GALNT9: variants seen among roughly 807,000 people sequenced by gnomAD.
GALNT9 encodes the protein GalNAc transferase 9.
In GALNT9, 47 loss-of-function variants were observed where a neutral mutation model predicts 63.1. The ratio of observed to expected loss-of-function variants is 0.75; its 90% CI spans 0.59 to 0.95. The LOEUF is 0.95. Ranked by LOEUF, GALNT9 falls within the 40% of genes least tolerant of loss-of-function variation. GALNT9 has a pLI of 0.00. For missense variants in GALNT9, 829 were observed against 874.8 expected (o/e 0.95, Z 0.66); for synonymous variants, 396 against 365.7 (o/e 1.08, Z -0.94).
intron 6 of GALNT9, among the ~76,000 whole-genome samples, chr12:132,237,444 C>T (rs2136895401): frequency 2.6e-5 from 4 of 152,102 alleles, no homozygotes; most frequent in Non-Finnish European, 5.9e-5. Context: ...CCTGCTTTTA[C>T]CTGTTCACTG....
intron 1 of GALNT9, among the ~76,000 whole-genome samples, chr12:132,306,463 C>T (rs1164379949): frequency 3.3e-5 from 5 of 152,054 alleles, no homozygotes; most frequent in South Asian, 2.1e-4. Context: ...GTCTGGGGGC[C>T]GAGGTCCAGG....
At chr12:132,248,836 G>A (rs1345630716) in intron 5 of GALNT9, among the ~76,000 whole-genome samples, 2 of 152,258 alleles carry the variant, frequency 1.3e-5, no homozygotes, top group African/African-American at 4.8e-5. Context: ...TTTCTAATAT[G>A]TATTGAGAGT....
chr12:132,215,065 C>A (rs183950864), intron 6 of GALNT9, among the ~76,000 whole-genome samples: 1 of 152,254 alleles, frequency 6.6e-6, no homozygotes, highest in East Asian at 1.9e-4. Context: ...TCACCTGCCA[C>A]GCTGTCCTGC....
chr12:132,295,992 C>T (rs868939706), intron 1 of GALNT9, among the ~76,000 whole-genome samples: 5 of 121,636 alleles, frequency 4.1e-5, no homozygotes, highest in East Asian at 2.7e-4. Context: ...CAAACAGGGA[C>T]GGCCTCCGGA....
intron 1 of GALNT9, among the ~76,000 whole-genome samples, chr12:132,320,887 C>A (rs1458289724): frequency 6.6e-6 from 1 of 152,222 alleles, no homozygotes; most frequent in East Asian, 1.9e-4. Context: ...GGGCATCCCC[C>A]CTTTACAGAT....
At chr12:132,234,743 G>A (rs1877933769) in intron 6 of GALNT9, among the ~76,000 whole-genome samples, 1 of 24,656 alleles carries the variant, frequency 4.1e-5, no homozygotes, top group Non-Finnish European at 6.8e-5. Context: ...AGGAGACAGC[G>A]TGGAGTCCCT....
At chr12:132,201,094 G>A in intron 8 of GALNT9, 30 bp downstream of exon 8, 1 of 1,605,588 alleles carries the variant, frequency 6.2e-7, no homozygotes, top group Non-Finnish European at 8.5e-7. Flanking sequence ...AGCCTGTCGG[G>A]CCGAACGGGG....
intron 6 of GALNT9, among the ~76,000 whole-genome samples, chr12:132,207,181 G>C (rs1876746689): frequency 6.6e-6 from 1 of 152,206 alleles, no homozygotes; most frequent in Admixed American, 6.5e-5. Context: ...GTCCGGACCA[G>C]AGGCTCACAC....
intron 6 of GALNT9, 113 bp from the exon 7 acceptor site, chr12:132,203,803 CCCACCACCGA>C: frequency 8.5e-7 from 1 of 1,180,232 alleles, no homozygotes. Context: ...CTGGGGCACC[CCCACCACCGA>C]CGGGCCTGGT....
At chr12:132,325,514 A>C (rs1383331839) in intron 1 of GALNT9, among the ~76,000 whole-genome samples, 1 of 152,174 alleles carries the variant, frequency 6.6e-6, no homozygotes, top group Non-Finnish European at 1.5e-5. Context: ...GCGTGCAATG[A>C]GCGTGCACCA....
rs2136898329 is a variant in GALNT9 at position 132,240,486 on chromosome 12, C to A, written c.1077+7424G>T. ...GGAGCAAGAATAGCCGTGCCCAGCT[C>A]GGACCCCGGGCGGCACTCACTCCAG... On this transcript the variant is annotated intron_variant, in intron 6 of 10. Coordinates refer to ENST00000328957, the MANE Select transcript of GALNT9 (RefSeq NM_001122636.2). 8 of 396,390 alleles carry A rather than the reference C, an allele frequency of 2.0e-5. No individual in the cohort carries two copies. The Admixed American group carries it at 2.3e-4, about 11-fold the overall frequency. The allele number at this position is 396,390 out of a possible 1,614,324, so 24.6% of individuals were successfully genotyped here. A position where few individuals can be genotyped will look rare whatever the true frequency, so the allele number is the denominator to read the frequency against.
chr12:132,228,274 C>T (rs899194711), intron 6 of GALNT9, among the ~76,000 whole-genome samples: 9 of 151,940 alleles, frequency 5.9e-5, no homozygotes, highest in East Asian at 5.8e-4. Context: ...CCCTCCCCGG[C>T]GTCCCTCCCC....
chr12:132,210,298 G>A (rs902671996), intron 6 of GALNT9, among the ~76,000 whole-genome samples: 2 of 152,266 alleles, frequency 1.3e-5, no homozygotes, highest in Admixed American at 6.5e-5. Flanking sequence ...GGCGCTGTGG[G>A]CCTGGCAAAG....
In GALNT9 at chr12:132,296,379, G is replaced by T. The variant is rs1474125247; in HGVS notation, c.239-9949C>A. On this transcript the variant is annotated intron_variant, in intron 1 of 10. Coordinates refer to ENST00000328957, the MANE Select transcript of GALNT9 (RefSeq NM_001122636.2). This position sits in a 1 kb window ranked among gnomAD's most constrained non-coding sequence, Gnocchi z 4.2. ...GCCCACGCTCACCACCCCATCCACT[G>T]ATGGCCCAGCTGTGGGCTCTTCCCC... Among the ~76,000 whole-genome samples the T allele has an allele frequency of 6.6e-6, 1 of 152,254 alleles. No homozygotes were observed. Among genetic ancestry groups the T allele is most frequent in the Non-Finnish European group, 1.5e-5 (1 of 68,036 alleles).
rs1555241788 is a variant in GALNT9, at chr12:132,282,515, A to G, written c.419+3735T>C. The stretch of plus-strand genomic sequence containing the variant: ...AGTCAAGTGGGTCTGTTTTGGGAAC[A>G]GCTGGATCTAGGTGTTCAGACACTG... On this transcript the variant is annotated intron_variant, in intron 2 of 10. Coordinates refer to ENST00000328957, the MANE Select transcript of GALNT9 (RefSeq NM_001122636.2). This position sits in a 1 kb window ranked among gnomAD's most constrained non-coding sequence, Gnocchi z 4.5. Among the ~76,000 whole-genome samples the G allele has an allele frequency of 6.6e-6, 1 of 152,194 alleles. No homozygotes were observed. Among genetic ancestry groups the G allele is most frequent in the Non-Finnish European group, 1.5e-5 (1 of 68,024 alleles).
chr12:132,219,023 T>C (rs914322669), intron 6 of GALNT9, among the ~76,000 whole-genome samples: 1 of 151,894 alleles, frequency 6.6e-6, no homozygotes, highest in Admixed American at 6.6e-5. Flanking sequence ...CGCCCCGCAT[T>C]TTGAGCTCTC....
chr12:132,270,256 A>G (rs1367735095), intron 2 of GALNT9, among the ~76,000 whole-genome samples: 1 of 152,238 alleles, frequency 6.6e-6, no homozygotes, highest in Admixed American at 6.5e-5. Context: ...TGTGAGAAAC[A>G]GAAGTTGTCA....
intron 1 of GALNT9, among the ~76,000 whole-genome samples, chr12:132,322,137 C>T (rs560280398): frequency 1.3e-5 from 2 of 152,330 alleles, no homozygotes; most frequent in East Asian, 3.9e-4. Context: ...AGCCACATTC[C>T]GAGGTTCCAG....
chr12:132,286,351 G>A lies in GALNT9; in HGVS notation c.318C>T (p.Asp106=), dbSNP rs1220051612. ...QGGLAATLRD[D]GQEAEGKYEE... ...CATACTTGCCTTCCGCCTCCTGGCC[G>A]TCATCACGCAGGGTGGCCGCCAAGC... The change falls in exon 2 of 11, where the codon GAC becomes GAT. Residue 106 remains aspartate, a synonymous_variant. Transcript: ENST00000328957. The surrounding 1 kb of genome is among the most constrained non-coding windows in gnomAD (Gnocchi z 7.4). The A allele has an allele frequency of 9.7e-6, 15 of 1,550,956 alleles. No homozygotes were observed. The highest frequency in any genetic ancestry group is 1.7e-4 in the Middle Eastern group (1 of 5,980).
Sources: allele counts gnomAD v4.1 joint callset (sites outside exome capture counted in the v4.1 genomes callset), GRCh38; gene constraint gnomAD v4.1.1; non-coding constraint Gnocchi (gnomAD v3.1); transcripts MANE v1.5; gene names NCBI Gene and HGNC (gene_info 2026-07-23, HGNC 2026-07-21).